FOXN3: variants seen among roughly 807,000 people sequenced by gnomAD.
FOXN3 encodes forkhead box N3.
FOXN3 carries 7 observed loss-of-function variants against 38.4 expected under a neutral mutation model. The observed-to-expected ratio is 0.18, with a 90% CI of 0.10 to 0.34. The LOEUF (loss-of-function observed/expected upper bound fraction) is 0.34. FOXN3 is among the 10% of genes least tolerant of loss of function. The probability of loss-of-function intolerance (pLI) is 1.00; values close to 1 mark genes in which losing one functional copy is unlikely to be tolerated. For missense variants in FOXN3, 456 were observed against 613.4 expected (o/e 0.74, Z 2.71); for synonymous variants, 230 against 242.2 (o/e 0.95, Z 0.47).
chr14:89,453,153 G>A (rs1230648308), intron 1 of FOXN3, among the ~76,000 whole-genome samples: 2 of 152,034 alleles, frequency 1.3e-5, no homozygotes, highest in African/African-American at 4.8e-5. Context: ...GAGCCGAGAC[G>A]GCGCCATTGC....
chr14:89,438,231 C>T (rs2140118856), intron 1 of FOXN3, among the ~76,000 whole-genome samples: 1 of 152,392 alleles, frequency 6.6e-6, no homozygotes, highest in Middle Eastern at 3.4e-3. Flanking sequence ...CTCACTCCCA[C>T]TGGCCCCTTC....
chr14:89,393,969 GA>G (rs992283552), intron 2 of FOXN3, among the ~76,000 whole-genome samples: 2 of 152,124 alleles, frequency 1.3e-5, no homozygotes, highest in African/African-American at 4.8e-5. Context: ...TGGAAGCTGG[GA>G]AGTCCAAGAT....
At chr14:89,173,684 T>C (rs1337699595) in intron 5 of FOXN3, among the ~76,000 whole-genome samples, 1 of 152,180 alleles carries the variant, frequency 6.6e-6, no homozygotes, top group Non-Finnish European at 1.5e-5. Context: ...GACACAGTAT[T>C]ATTCTAGTTA....
At chr14:89,265,740 C>T (rs1299691471) in intron 4 of FOXN3, among the ~76,000 whole-genome samples, 1 of 152,228 alleles carries the variant, frequency 6.6e-6, no homozygotes, top group Admixed American at 6.5e-5. Flanking sequence ...CAAGGCCAGA[C>T]TGCAGATCGT....
intron 1 of FOXN3, among the ~76,000 whole-genome samples, chr14:89,435,939 G>A (rs1760991991): frequency 6.6e-6 from 1 of 152,012 alleles, no homozygotes; most frequent in African/African-American, 2.4e-5. Flanking sequence ...CTGACTAAAG[G>A]CACAGCAGGT....
intron 1 of FOXN3, among the ~76,000 whole-genome samples, chr14:89,433,944 G>A (rs1892219664): frequency 8.1e-6 from 1 of 123,472 alleles, no homozygotes; most frequent in South Asian, 2.5e-4. Context: ...TTTTTTTTGA[G>A]ATGGAGTTTC....
chr14:89,508,309 C>A (rs1893991081), intron 1 of FOXN3, among the ~76,000 whole-genome samples: 1 of 152,148 alleles, frequency 6.6e-6, no homozygotes, highest in Non-Finnish European at 1.5e-5. Context: ...GCATTATGTG[C>A]ACACAGAGAA....
rs866735107 is a variant in FOXN3, at chr14:89,567,067, G to A, written c.-15+51961C>T. On this transcript the variant is annotated intron_variant, in intron 1 of 6. Transcript: ENST00000345097. ...GGCTACAAGTATATGGCTAATAATG[G>A]TGGCACAAGGACCAGACATCCAGGT... Among the ~76,000 whole-genome samples, 3 of 152,188 alleles carry A rather than the reference G, an allele frequency of 2.0e-5. No homozygotes were observed. In the East Asian group the frequency reaches 5.8e-4, roughly 29 times the overall value.
intron 4 of FOXN3, among the ~76,000 whole-genome samples, chr14:89,253,873 C>A (rs1885537533): frequency 1.3e-5 from 2 of 152,202 alleles, no homozygotes; most frequent in African/African-American, 4.8e-5. Flanking sequence ...GATCACTCAT[C>A]TTTTCAAGCC....
At chr14:89,466,681 A>C (rs1892980103) in intron 1 of FOXN3, among the ~76,000 whole-genome samples, 1 of 152,204 alleles carries the variant, frequency 6.6e-6, no homozygotes, top group Non-Finnish European at 1.5e-5. Flanking sequence ...ACCACAGGCT[A>C]CAAGGCCTCC....
At chr14:89,387,658 C>T (rs7153675) in intron 2 of FOXN3, among the ~76,000 whole-genome samples, 3,469 of 152,080 alleles carry the variant, frequency 0.023, 124 homozygotes, top group African/African-American at 0.077. Flanking sequence ...CTGCCAAGGG[C>T]CAGAGAGAGA....
At chr14:89,337,631 C>A (rs1596194246) in intron 3 of FOXN3, among the ~76,000 whole-genome samples, 1 of 82,326 alleles carries the variant, frequency 1.2e-5, no homozygotes, top group African/African-American at 3.0e-5. Context: ...ATTCTCTTTT[C>A]TTTTCTTTTT....
chr14:89,357,563 G>A lies in FOXN3; in HGVS notation c.544-6755C>T, dbSNP rs1005515684. ...GCGAAGGTTGCGGTGAGCCGAGATC[G>A]TGCCACTGCACTCCAGCCTGGGAAA... On this transcript the variant is annotated intron_variant, in intron 2 of 5. Transcript: ENST00000557258. 5.3e-5 allele frequency among the ~76,000 whole-genome samples: 8 copies of A among 151,882 alleles called. No individual in the cohort carries two copies. The East Asian group carries it at 5.8e-4, about 11-fold the overall frequency.
intron 1 of FOXN3, chr14:89,486,569 C>G (rs1893450960): frequency 6.6e-6 from 1 of 152,144 alleles, no homozygotes; most frequent in Admixed American, 6.5e-5. Flanking sequence ...GTGTGATTAC[C>G]TGAGTCGGAA....
At chr14:89,595,936 A>G (rs1896048371) in intron 1 of FOXN3, among the ~76,000 whole-genome samples, 2 of 152,264 alleles carry the variant, frequency 1.3e-5, no homozygotes, top group Non-Finnish European at 2.9e-5. Context: ...CATCACATAT[A>G]TTTTCTACAT....
chr14:89,233,540 A>T (rs1884884725), intron 4 of FOXN3, among the ~76,000 whole-genome samples: 1 of 152,192 alleles, frequency 6.6e-6, no homozygotes, highest in Non-Finnish European at 1.5e-5. Context: ...CATTCTTTCA[A>T]ATCCCTTTCC....
rs529979504 is a variant in FOXN3, at chr14:89,373,822, A to G, written c.544-23014T>C. The stretch of plus-strand genomic sequence containing the variant: ...CTTTGGAACTAGTAAAAGTTTTACT[A>G]TTCAAACTAAAAATTAAGTCAAAGG... On this transcript the variant is annotated intron_variant, in intron 2 of 5. Coordinates refer to ENST00000557258, the MANE Select transcript of FOXN3 (RefSeq NM_005197.4). 1.6e-4 allele frequency among the ~76,000 whole-genome samples: 24 copies of G among 152,338 alleles called. No homozygotes were observed. The East Asian group carries it at 3.9e-3, about 24-fold the overall frequency.
chr14:89,304,375 TGAGCA>T (rs1887312419), intron 3 of FOXN3, among the ~76,000 whole-genome samples: 1 of 152,104 alleles, frequency 6.6e-6, no homozygotes, highest in African/African-American at 2.4e-5. Flanking sequence ...AAAGTGGCTG[TGAGCA>T]GAACCGCGGT....
At chr14:89,534,773 T>C (rs1894649296) in intron 1 of FOXN3, among the ~76,000 whole-genome samples, 2 of 152,196 alleles carry the variant, frequency 1.3e-5, no homozygotes, top group South Asian at 4.1e-4. Flanking sequence ...CCAACGTGCA[T>C]CAAGGTATGA....
Sources: allele counts gnomAD v4.1 joint callset (sites outside exome capture counted in the v4.1 genomes callset), GRCh38; gene constraint gnomAD v4.1.1; transcripts MANE v1.5; gene names NCBI Gene and HGNC (gene_info 2026-07-23, HGNC 2026-07-21).